The following ZNF644 variants were observed in gnomAD, a reference collection of about 807,000 sequenced individuals.
ZNF644 encodes the protein zinc finger protein 644, also known as zinc finger motif enhancer binding protein 2.
A neutral mutation model predicts 108.0 loss-of-function variants in ZNF644; 20 were observed. That is an observed-to-expected ratio of 0.19 (90% CI 0.13 to 0.27). The LOEUF (loss-of-function observed/expected upper bound fraction) is 0.27, where lower values mean the gene tolerates loss of function less well. Among genes scored for constraint, ZNF644 ranks in the 10% least tolerant of loss-of-function variants. The probability of loss-of-function intolerance (pLI) is 1.00; values close to 1 mark genes in which losing one functional copy is unlikely to be tolerated. For synonymous variants in ZNF644, 542 were observed against 539.1 expected, an observed-to-expected ratio of 1.01 and a Z score of -0.08; for missense variants, 1,338 against 1,548.9, an observed-to-expected ratio of 0.86 and a Z score of 2.29.
chr1:90,995,141 A>G (rs1178473151), intron 1 of ZNF644, among the ~76,000 whole-genome samples: 11 of 152,208 alleles, frequency 7.2e-5, no homozygotes, highest in Non-Finnish European at 1.6e-4. Context: ...ACCTGAATTA[A>G]TTCAAAGCAG....
Position 90,939,571 on chromosome 1 carries a change from T to C in ZNF644, c.1783A>G (p.Thr595Ala), listed in dbSNP as rs1651734724. 6.2e-7 allele frequency: 1 copy of C among 1,614,008 alleles called. No individual in the cohort carries two copies. Among genetic ancestry groups the C allele is most frequent in the Non-Finnish European group, 8.5e-7 (1 of 1,179,906 alleles). Residue 595 changes from threonine (T) to alanine (A), a missense_variant, in exon 3 of 6, where the codon ACT (threonine) becomes GCT (alanine). Transcript: ENST00000337393. ...TYICKMCPFT[T>A]SAKSVLKKHT... ...TTTTTTAAAACACTTTTGGCTGAAG[T>C]AGTAAAAGGACACATCTTACATATG...
intron 4 of ZNF644, 91 bp downstream of exon 4, chr1:90,937,394 G>A: frequency 6.4e-7 from 1 of 1,556,342 alleles, no homozygotes; most frequent in South Asian, 1.2e-5. Flanking sequence ...GGAAGATTGT[G>A]AGAAAGTATT....
At chr1:90,922,389 G>A (rs1023908465) in intron 4 of ZNF644, among the ~76,000 whole-genome samples, 1 of 152,114 alleles carries the variant, frequency 6.6e-6, no homozygotes, top group African/African-American at 2.4e-5. Flanking sequence ...TGGTTGGCCT[G>A]TGTTAAGTTT....
In ZNF644 at chr1:90,933,185, G is replaced by A. The variant is rs188761203; in HGVS notation, c.3688+4300C>T. Among the ~76,000 whole-genome samples, 615 of 151,988 alleles carry A rather than the reference G, an allele frequency of 4.0e-3. 5 individuals carry two copies. The highest frequency in any genetic ancestry group is 9.4e-3 in the South Asian group (45 of 4,812). On this transcript the variant is annotated intron_variant, in intron 4 of 5. Transcript: ENST00000337393. Reference sequence around the variant, plus strand: ...ATGAAGTAAAAGCATTTTTTTAATGGACTAATAAAATCTGGACTGGAGATA... The same window carrying A: ...ATGAAGTAAAAGCATTTTTTTAATGAACTAATAAAATCTGGACTGGAGATA...
intron 1 of ZNF644, among the ~76,000 whole-genome samples, chr1:91,011,893 A>C (rs997724959): frequency 6.6e-6 from 1 of 152,116 alleles, no homozygotes; most frequent in Non-Finnish European, 1.5e-5. Context: ...GGCTCCAAAA[A>C]CCATCTATAT....
intron 2 of ZNF644, among the ~76,000 whole-genome samples, chr1:90,966,323 G>GA (rs1654881025): frequency 2.0e-5 from 3 of 151,984 alleles, no homozygotes; most frequent in Non-Finnish European, 2.9e-5. Context: ...TTGATCATTT[G>GA]TTTTTTTCTC....
chr1:90,977,201 A>G (rs1478135811), intron 2 of ZNF644, among the ~76,000 whole-genome samples: 1 of 152,136 alleles, frequency 6.6e-6, no homozygotes, highest in African/African-American at 2.4e-5. Context: ...TCTGCTATCA[A>G]TCTAGACTTA....
chr1:90,989,784 T>C (rs1657458218), intron 1 of ZNF644, among the ~76,000 whole-genome samples: 1 of 152,078 alleles, frequency 6.6e-6, no homozygotes, highest in South Asian at 2.1e-4. Context: ...TCAAGTTAAA[T>C]TACCATATGA....
intron 2 of ZNF644, among the ~76,000 whole-genome samples, chr1:90,962,211 G>A (rs1654401709): frequency 1.3e-5 from 2 of 151,832 alleles, no homozygotes. Flanking sequence ...AATGAAACAA[G>A]AACAAGGTAG....
chr1:90,932,496 GATC>G (rs1650845113), intron 4 of ZNF644, among the ~76,000 whole-genome samples: 1 of 152,084 alleles, frequency 6.6e-6, no homozygotes, highest in African/African-American at 2.4e-5. Context: ...TTCATTAAAA[GATC>G]ATGTGTTCTT....
rs1651486177 is a variant in ZNF644 at position 90,937,721 on chromosome 1, T to C, written c.3452A>G (p.Asn1151Ser). 1 of 1,613,888 alleles carries C rather than the reference T, an allele frequency of 6.2e-7. No homozygotes were observed. The highest frequency in any genetic ancestry group is 1.3e-5 in the African/African-American group (1 of 75,038). ...TTCTGGTTTTGTTTCATCATATTCATTTAAGAAATTCAGCCCTTCTTCTTC... is the reference window on the plus strand; with the variant it reads ...TTCTGGTTTTGTTTCATCATATTCACTTAAGAAATTCAGCCCTTCTTCTTC... ...ASEEEGLNFLNEYDETKPELP... is the reference protein window; with the variant it reads ...ASEEEGLNFLSEYDETKPELP... Residue 1151 changes from asparagine (N) to serine (S), a missense_variant, in exon 4 of 6, where the codon AAT (asparagine) becomes AGT (serine). Around this residue, in one of 6 missense-constraint regions of ZNF644, gnomAD observed 287 missense variants for 310.9 expected, o/e 0.92. Coordinates refer to ENST00000337393, the MANE Select transcript of ZNF644 (RefSeq NM_201269.3).
chr1:90,947,631 A>C (rs1237108442), intron 2 of ZNF644, among the ~76,000 whole-genome samples: 5 of 152,142 alleles, frequency 3.3e-5, no homozygotes, highest in African/African-American at 1.2e-4. Flanking sequence ...ATATTATATA[A>C]ATACTAAACT....
chr1:90,971,011 A>AC (rs1272663479), intron 2 of ZNF644, among the ~76,000 whole-genome samples: 1 of 151,488 alleles, frequency 6.6e-6, no homozygotes. Context: ...AAAAAAAAAA[A>AC]AAAAAAACAC....
rs986150148 is a variant in ZNF644 at position 90,916,406 on chromosome 1, A to G, written c.*392T>C. On this transcript the variant is annotated 3_prime_UTR_variant, in exon 6 of 6. Transcript: ENST00000337393. ...ACTAAATACATACAAACAAAATATAATATCTTATTTTTCTATGCAAGTCTT... is the reference window on the plus strand; with the variant it reads ...ACTAAATACATACAAACAAAATATAGTATCTTATTTTTCTATGCAAGTCTT... 2 of 211,820 alleles carry G rather than the reference A, an allele frequency of 9.4e-6. No individual in the cohort carries two copies. The highest frequency in any genetic ancestry group is 5.3e-5 in the Admixed American group (1 of 18,876). The allele number at this position is 211,820 out of a possible 1,614,324, so 13.1% of individuals were successfully genotyped here. A position where few individuals can be genotyped will look rare whatever the true frequency, so the allele number is the denominator to read the frequency against.
intron 2 of ZNF644, among the ~76,000 whole-genome samples, chr1:90,968,729 T>G (rs1278475614): frequency 6.6e-6 from 1 of 152,220 alleles, no homozygotes; most frequent in Non-Finnish European, 1.5e-5. Flanking sequence ...AGGTATACTG[T>G]AACTCCCTTT....
chr1:90,956,726 C>A (rs1439839136), intron 2 of ZNF644, among the ~76,000 whole-genome samples: 1 of 152,152 alleles, frequency 6.6e-6, no homozygotes, highest in Non-Finnish European at 1.5e-5. Flanking sequence ...AATATTGGTT[C>A]TTTTAGTCAC....
chr1:90,976,794 T>C (rs1266109322), intron 2 of ZNF644, among the ~76,000 whole-genome samples: 1 of 152,124 alleles, frequency 6.6e-6, no homozygotes, highest in East Asian at 1.9e-4. Flanking sequence ...TGAAGGGGAT[T>C]GGTTCCAGGA....
At chr1:90,944,676 G>A (rs112612027) in intron 2 of ZNF644, among the ~76,000 whole-genome samples, 1,718 of 151,946 alleles carry the variant, frequency 0.011, 14 homozygotes, top group South Asian at 0.021. Flanking sequence ...CTGTTCATGA[G>A]TAATTCTTTA....
intron 1 of ZNF644, among the ~76,000 whole-genome samples, chr1:90,995,929 C>T (rs1039695425): frequency 3.3e-5 from 5 of 152,158 alleles, no homozygotes; most frequent in African/African-American, 1.2e-4. Flanking sequence ...TCCCAGACTT[C>T]CAATCTCCAG....
Sources: gnomAD v4.1 joint callset for allele counts (sites outside exome capture counted in the v4.1 genomes callset) on GRCh38, gnomAD v4.1.1 for gene constraint, gnomAD v4.1.1 regional missense constraint, MANE v1.5 for transcripts, NCBI Gene and HGNC (gene_info 2026-07-23, HGNC 2026-07-21) for gene names.